MS4A4A: variants seen among roughly 807,000 people sequenced by gnomAD.
MS4A4A encodes membrane spanning 4-domains A4A.
In MS4A4A, 26 loss-of-function variants were observed where a neutral mutation model predicts 28.0. That is an observed-to-expected ratio of 0.93 (90% CI 0.68 to 1.29). The LOEUF (loss-of-function observed/expected upper bound fraction) is 1.29. Ranked by LOEUF, MS4A4A falls within the 50% of genes most tolerant of loss-of-function variation. The pLI is 0.00. For synonymous variants in MS4A4A, 86 were observed against 100.8 expected (o/e 0.85, Z 0.88); for missense variants, 290 against 293.1 (o/e 0.99, Z 0.08).
chr11:60,296,982 GA>G, intron 2 of MS4A4A: 1 of 538,854 alleles, frequency 1.9e-6, no homozygotes, highest in South Asian at 2.1e-5. Flanking sequence ...TTTTAACCTT[GA>G]AATTATTGGC....
chr11:60,300,249 T>A (rs1258199560), intron 3 of MS4A4A, among the ~76,000 whole-genome samples: 2 of 152,206 alleles, frequency 1.3e-5, no homozygotes, highest in African/African-American at 4.8e-5. Flanking sequence ...ATTGATGGAA[T>A]CAAATGAACT....
At chr11:60,288,275 C>T (rs1399327516) in intron 1 of MS4A4A, among the ~76,000 whole-genome samples, 1 of 152,250 alleles carries the variant, frequency 6.6e-6, no homozygotes, top group African/African-American at 2.4e-5. Flanking sequence ...GTTAACACCA[C>T]ATGGTTGCCA....
chr11:60,305,988 G>C (rs1010368728), intron 5 of MS4A4A, 112 bp from the exon 6 acceptor site: 1 of 836,562 alleles, frequency 1.2e-6, no homozygotes, highest in Admixed American at 2.6e-5. Context: ...TGGGAGGCAG[G>C]TTTCCTGACT....
rs533261688 is a variant in MS4A4A, at chr11:60,297,276, G to A, written c.281G>A (p.Ser94Asn). 5 of 1,613,512 alleles carry A rather than the reference G, an allele frequency of 3.1e-6. No homozygotes were observed. The African/African-American group carries it at 6.7e-5, about 22-fold the overall frequency. The change falls in exon 3 of 7, where the codon AGT becomes AAT. Residue 94 changes from serine to asparagine, a missense_variant. By Grantham distance (46) the Ser-to-Asn change is conservative. Transcript: ENST00000337908. ...MMCMASNTYG[S>N]NPISVYIGYT... ...TGTATGGCATCTAATACTTATGGAA[G>A]TAACCCTATTTCCGTGTATATCGGG...
chr11:60,306,276 G>A, intron 6 of MS4A4A, 75 bp downstream of exon 6: 2 of 1,152,132 alleles, frequency 1.7e-6, no homozygotes, highest in Non-Finnish European at 2.6e-6. Context: ...CACACTTAGA[G>A]TCTTAACACA....
chr11:60,300,960 G>A, intron 3 of MS4A4A, 41 bp from the exon 4 acceptor site: 2 of 1,472,482 alleles, frequency 1.4e-6, no homozygotes, highest in Non-Finnish European at 1.9e-6. Flanking sequence ...TCCCAATACT[G>A]GCTTAAAGTT....
intron 2 of MS4A4A, chr11:60,296,721 G>A (rs187009640): frequency 4.1e-4 from 69 of 167,998 alleles, no homozygotes; most frequent in Non-Finnish European, 5.9e-4. Flanking sequence ...ACTCTGCTAC[G>A]TTTAGATCCC....
chr11:60,302,729 C>G lies in MS4A4A; in HGVS notation c.546+12C>G, dbSNP rs762577068. ...TGTCCATCTTAATGGTTGGTACTGC[C>G]TCTTTTCAGGGGATATTATTATAGA... On this transcript the variant is annotated intron_variant, in intron 5 of 6. Transcript: ENST00000337908. The G allele has an allele frequency of 2.6e-5, 42 of 1,611,034 alleles. No homozygotes were observed. In the East Asian group the frequency reaches 9.1e-4, roughly 35 times the overall value.
At chr11:60,299,371 C>T (rs1201480922) in intron 3 of MS4A4A, among the ~76,000 whole-genome samples, 1 of 151,402 alleles carries the variant, frequency 6.6e-6, no homozygotes, top group Non-Finnish European at 1.5e-5. Context: ...ATGAAATGAT[C>T]CTACATTTTT....
intron 6 of MS4A4A, among the ~76,000 whole-genome samples, chr11:60,306,563 A>G (rs927726923): frequency 4.6e-5 from 7 of 152,192 alleles, no homozygotes; most frequent in Non-Finnish European, 2.9e-5. Context: ...GTCCATTCAG[A>G]ATAATGCCTT....
intron 5 of MS4A4A, among the ~76,000 whole-genome samples, chr11:60,305,005 C>A (rs1416576971): frequency 2.0e-5 from 3 of 152,200 alleles, no homozygotes; most frequent in African/African-American, 7.2e-5. Context: ...TCACTCATAT[C>A]CTGAGCTCTT....
chr11:60,284,472 G>A (rs1040475437), intron 1 of MS4A4A, among the ~76,000 whole-genome samples: 1 of 152,196 alleles, frequency 6.6e-6, no homozygotes, highest in Admixed American at 6.5e-5. Context: ...TAGAAAAGCA[G>A]ATAAGAGGGG....
intron 1 of MS4A4A, among the ~76,000 whole-genome samples, chr11:60,289,581 GTGTGTGTGTGTGTA>G (rs200698704): frequency 0.096 from 11,430 of 119,144 alleles, 463 homozygotes; most frequent in South Asian, 0.17. Context: ...GGGAGTGTGT[GTGTGTGTGTGTGTA>G]TGTGTGTGTG....
chr11:60,298,219 T>C (rs969923015), intron 3 of MS4A4A, among the ~76,000 whole-genome samples: 2 of 152,030 alleles, frequency 1.3e-5, no homozygotes, highest in African/African-American at 4.8e-5. Context: ...AATTTATAAG[T>C]TGGGTTTATG....
At chr11:60,292,189 C>A in intron 1 of MS4A4A, 36 bp from the exon 2 acceptor site, 1 of 1,504,502 alleles carries the variant, frequency 6.6e-7, no homozygotes, top group Middle Eastern at 1.9e-4. Context: ...TTTGCCATTT[C>A]CAGGACATCA....
chr11:60,284,470 C>T (rs1402089424), intron 1 of MS4A4A, among the ~76,000 whole-genome samples: 1 of 152,148 alleles, frequency 6.6e-6, no homozygotes, highest in Non-Finnish European at 1.5e-5. Context: ...AATAGAAAAG[C>T]AGATAAGAGG....
At chr11:60,299,326 T>C (rs2059578) in intron 3 of MS4A4A, among the ~76,000 whole-genome samples, 4,170 of 152,244 alleles carry the variant, frequency 0.027, 78 homozygotes, top group Non-Finnish European at 0.04. Flanking sequence ...TAGTATTACA[T>C]AATAGTCAGC....
chr11:60,297,437 G>A, intron 3 of MS4A4A, 112 bp downstream of exon 3: 1 of 1,209,822 alleles, frequency 8.3e-7, no homozygotes, highest in Non-Finnish European at 1.1e-6. Context: ...ATCTGAGAGT[G>A]GTATCTAACC....
intron 1 of MS4A4A, among the ~76,000 whole-genome samples, chr11:60,286,146 G>A (rs562667226): frequency 6.6e-6 from 1 of 152,206 alleles, no homozygotes; most frequent in Non-Finnish European, 1.5e-5. Context: ...TGTTCTGCCC[G>A]GCCCCGCAGG....
Sources: gnomAD v4.1 joint callset for allele counts (sites outside exome capture counted in the v4.1 genomes callset) on GRCh38, gnomAD v4.1.1 for gene constraint, MANE v1.5 for transcripts, NCBI Gene and HGNC (gene_info 2026-07-23, HGNC 2026-07-21) for gene names.